The following PRKG1 variants were observed in gnomAD, a reference collection of about 807,000 sequenced individuals.
PRKG1 encodes protein kinase cGMP-dependent 1.
A neutral mutation model predicts 88.1 loss-of-function variants in PRKG1; 35 were observed. That is an observed-to-expected ratio of 0.40 (90% CI 0.30 to 0.53). The LOEUF is 0.53. Ranked by LOEUF, PRKG1 falls within the 20% of genes least tolerant of loss-of-function variation. PRKG1 has a pLI of 0.59. For missense variants in PRKG1, 540 were observed against 839.8 expected, an observed-to-expected ratio of 0.64 and a Z score of 4.41; for synonymous variants, 303 against 292.5, an observed-to-expected ratio of 1.04 and a Z score of -0.37.
At chr10:51,765,862 G>A (rs897456749) in intron 3 of PRKG1, among the ~76,000 whole-genome samples, 60 of 148,842 alleles carry the variant, frequency 4.0e-4, no homozygotes, top group Non-Finnish European at 3.3e-4. Context: ...CAGCTCAGGC[G>A]GCCATAAAAA....
chr10:51,666,630 G>T, intron 3 of PRKG1, among the ~76,000 whole-genome samples: 1 of 152,094 alleles, frequency 6.6e-6, no homozygotes, highest in Non-Finnish European at 1.5e-5. Context: ...TCTGAGCTTT[G>T]CCAGAACAAT....
chr10:50,996,506 C>T (rs1842838513), intron 1 of PRKG1, among the ~76,000 whole-genome samples: 1 of 152,190 alleles, frequency 6.6e-6, no homozygotes, highest in Non-Finnish European at 1.5e-5. Context: ...ACCAGTGAAT[C>T]TTTGTATCTA....
chr10:51,788,185 A>G (rs1838776654), intron 3 of PRKG1, among the ~76,000 whole-genome samples: 1 of 152,180 alleles, frequency 6.6e-6, no homozygotes, highest in Admixed American at 6.6e-5. Context: ...TGTAAAATAC[A>G]GATTCCACTG....
intron 3 of PRKG1, among the ~76,000 whole-genome samples, chr10:51,684,736 G>A (rs551582261): frequency 6.6e-6 from 1 of 152,136 alleles, no homozygotes; most frequent in South Asian, 2.1e-4. Context: ...GCATGGTGGT[G>A]CATGCCTGTG....
chr10:51,794,893 C>A (rs1476643643), intron 3 of PRKG1, among the ~76,000 whole-genome samples: 1 of 151,988 alleles, frequency 6.6e-6, no homozygotes, highest in African/African-American at 2.4e-5. Flanking sequence ...AGTAACTTAG[C>A]TTTTCTGAGA....
rs769699800 is a variant in PRKG1, at chr10:52,272,478, A to C, written c.1400A>C (p.Asp467Ala). ...GGAGAGCTCTGGACCATTCTCAGGG[A>C]TAGGTAGGAGATTTAAGAAATTTCT... is the stretch of plus-strand genomic sequence containing the variant. ...LGGELWTILR[D>A]RGSFEDSTTR... Residue 467 changes from aspartate (D) to alanine (A), a missense_variant, in exon 12 of 18, where the codon GAT (aspartate) becomes GCT (alanine). Transcript: ENST00000373980. 1 of 1,601,418 alleles carries C rather than the reference A, an allele frequency of 6.2e-7. No homozygotes were observed.
chr10:51,347,358 A>C (rs1842135916), intron 2 of PRKG1, among the ~76,000 whole-genome samples: 1 of 152,196 alleles, frequency 6.6e-6, no homozygotes, highest in African/African-American at 2.4e-5. Flanking sequence ...AGAAGATGGA[A>C]GGCATTAGGT....
Position 51,051,981 on chromosome 10 carries a change from C to A in PRKG1, c.266+60337C>A, listed in dbSNP as rs574699527. ...TAAATAAAAATTGATACTTAAAATG[C>A]AAGTTACTATTATTGGTAACAGAAA... On this transcript the variant is annotated intron_variant, in intron 1 of 17. Coordinates refer to the PRKG1 transcript ENST00000401604. 3.2e-3 allele frequency among the ~76,000 whole-genome samples: 484 copies of A among 152,054 alleles called. 1 individual carries two copies. The highest frequency in any genetic ancestry group is 4.9e-3 in the Non-Finnish European group (332 of 67,962).
intron 2 of PRKG1, among the ~76,000 whole-genome samples, chr10:51,393,226 C>T (rs1223845970): frequency 1.3e-4 from 20 of 148,344 alleles, no homozygotes; most frequent in Admixed American, 9.3e-4. Flanking sequence ...CCAGACAGGG[C>T]GGCGGGGCAG....
chr10:51,198,506 G>A (rs940454259), intron 2 of PRKG1, among the ~76,000 whole-genome samples: 4 of 152,150 alleles, frequency 2.6e-5, no homozygotes, highest in Non-Finnish European at 5.9e-5. Flanking sequence ...AATTTTCTGA[G>A]CACCAGTAGA....
intron 5 of PRKG1, among the ~76,000 whole-genome samples, chr10:51,945,462 G>T (rs879533852): frequency 2.1e-3 from 313 of 150,988 alleles, no homozygotes; most frequent in Non-Finnish European, 3.5e-3. Flanking sequence ...TACATTTAAA[G>T]TTAATATTGT....
intron 3 of PRKG1, among the ~76,000 whole-genome samples, chr10:51,762,571 A>G (rs1838047274): frequency 6.6e-6 from 1 of 152,220 alleles, no homozygotes; most frequent in Non-Finnish European, 1.5e-5. Context: ...AATGCTTACT[A>G]TTAAACTTAG....
intron 3 of PRKG1, among the ~76,000 whole-genome samples, chr10:51,770,949 A>G (rs1392238814): frequency 6.6e-6 from 1 of 152,204 alleles, no homozygotes; most frequent in African/African-American, 2.4e-5. Context: ...GTGTGCAAAC[A>G]TCACAGAGTG....
intron 3 of PRKG1, among the ~76,000 whole-genome samples, chr10:51,787,104 C>A (rs1212272283): frequency 6.6e-6 from 1 of 152,076 alleles, no homozygotes; most frequent in Non-Finnish European, 1.5e-5. Flanking sequence ...TATAGCTGAA[C>A]CTTTGGTTGG....
chr10:51,354,880 T>C (rs765908488), intron 2 of PRKG1, among the ~76,000 whole-genome samples: 33 of 152,072 alleles, frequency 2.2e-4, no homozygotes, highest in Middle Eastern at 6.3e-3. Flanking sequence ...TTAAGGGTCT[T>C]TCATCTGTGC....
chr10:51,412,638 T>A (rs1372215122), intron 2 of PRKG1, among the ~76,000 whole-genome samples: 1 of 152,144 alleles, frequency 6.6e-6, no homozygotes, highest in Non-Finnish European at 1.5e-5. Flanking sequence ...AGCAAGACTC[T>A]GTCTCAAACA....
intron 3 of PRKG1, among the ~76,000 whole-genome samples, chr10:51,686,749 T>C (rs558283672): frequency 6.6e-6 from 1 of 152,260 alleles, no homozygotes; most frequent in South Asian, 2.1e-4. Context: ...TTTTTGTTTG[T>C]TTGTTTGTTT....
chr10:52,046,338 T>C (rs1399936567), intron 5 of PRKG1, among the ~76,000 whole-genome samples: 1 of 152,098 alleles, frequency 6.6e-6, no homozygotes, highest in African/African-American at 2.4e-5. Flanking sequence ...TATTTGTACC[T>C]TTACAAACAC....
chr10:50,996,828 T>G (rs1042657918), intron 1 of PRKG1, among the ~76,000 whole-genome samples: 3 of 152,218 alleles, frequency 2.0e-5, no homozygotes, highest in Non-Finnish European at 4.4e-5. Flanking sequence ...ACCTGTTACC[T>G]CTTTCTGATG....
Sources: gnomAD v4.1 joint callset for allele counts (sites outside exome capture counted in the v4.1 genomes callset) on GRCh38, gnomAD v4.1.1 for gene constraint, MANE v1.5 for transcripts, NCBI Gene and HGNC (gene_info 2026-07-23, HGNC 2026-07-21) for gene names.